Variants in GALNT17 observed in about 807,000 individuals in gnomAD.
GALNT17 encodes the protein UDP-GalNAc:polypeptide N-acetylgalactosaminyltransferase-like 3.
Under a neutral mutation model 63.7 loss-of-function variants are expected in GALNT17, and 29 were observed. The ratio of observed to expected loss-of-function variants is 0.46; its 90% CI spans 0.34 to 0.62. The LOEUF (loss-of-function observed/expected upper bound fraction) is 0.62. GALNT17 is among the 20% of genes least tolerant of loss of function. The probability of loss-of-function intolerance (pLI) is 0.01; values close to 1 mark genes in which losing one functional copy is unlikely to be tolerated. For missense variants in GALNT17, 603 were observed against 799.6 expected (o/e 0.75, Z 2.97); for synonymous variants, 305 against 318.3 (o/e 0.96, Z 0.45).
intron 1 of GALNT17, among the ~76,000 whole-genome samples, chr7:71,302,764 T>A (rs7791172): frequency 1.3e-5 from 2 of 152,206 alleles, no homozygotes; most frequent in African/African-American, 2.4e-5. Flanking sequence ...AACTTCCCCC[T>A]TTCAACATGG....
At chr7:71,418,919 G>A (rs546727936) in intron 4 of GALNT17, among the ~76,000 whole-genome samples, 159 of 152,120 alleles carry the variant, frequency 1.0e-3, no homozygotes, top group African/African-American at 3.4e-3. Flanking sequence ...CCAACATGGC[G>A]AAACCCTGTC....
chr7:71,153,355 G>T (rs545962889), intron 1 of GALNT17, among the ~76,000 whole-genome samples: 42 of 152,296 alleles, frequency 2.8e-4, no homozygotes, highest in African/African-American at 9.1e-4. Flanking sequence ...CATCGCCGTG[G>T]TGGCAGTTAC....
chr7:71,580,446 T>TA (rs1554311848), intron 6 of GALNT17, among the ~76,000 whole-genome samples: 1 of 151,388 alleles, frequency 6.6e-6, no homozygotes, highest in African/African-American at 2.4e-5. Flanking sequence ...GATAGATAGA[T>TA]GAGACATAGA....
At chr7:71,245,722 A>G (rs755099636) in intron 1 of GALNT17, among the ~76,000 whole-genome samples, 39 of 152,158 alleles carry the variant, frequency 2.6e-4, no homozygotes, top group Non-Finnish European at 5.0e-4. Flanking sequence ...TAGTATTTCA[A>G]ATTAGCTTCT....
At chr7:71,232,757 C>T (rs1443896920) in intron 1 of GALNT17, among the ~76,000 whole-genome samples, 1 of 152,074 alleles carries the variant, frequency 6.6e-6, no homozygotes, top group Non-Finnish European at 1.5e-5. Flanking sequence ...TAATTACACG[C>T]AAATTAAGGG....
intron 5 of GALNT17, among the ~76,000 whole-genome samples, chr7:71,430,156 T>C (rs1437502552): frequency 6.6e-6 from 1 of 152,142 alleles, no homozygotes; most frequent in African/African-American, 2.4e-5. Flanking sequence ...CCCACCAGGA[T>C]TTCTTGACAA....
chr7:71,166,409 A>G (rs1342491364), intron 1 of GALNT17, among the ~76,000 whole-genome samples: 1 of 152,218 alleles, frequency 6.6e-6, no homozygotes, highest in Admixed American at 6.5e-5. Flanking sequence ...AAGCTTTGAC[A>G]TATGCATGCA....
intron 9 of GALNT17, among the ~76,000 whole-genome samples, chr7:71,698,364 A>C (rs1400559052): frequency 6.6e-6 from 1 of 152,154 alleles, no homozygotes; most frequent in African/African-American, 2.4e-5. Flanking sequence ...TAAACACATA[A>C]ATCTATGCAA....
At chr7:71,709,022 G>A (rs1025567049) in intron 9 of GALNT17, among the ~76,000 whole-genome samples, 1 of 152,200 alleles carries the variant, frequency 6.6e-6, no homozygotes, top group African/African-American at 2.4e-5. Flanking sequence ...CAATGAACGT[G>A]TAAGTGCATG....
At chr7:71,494,088 G>A (rs1229143733) in intron 5 of GALNT17, among the ~76,000 whole-genome samples, 1 of 152,094 alleles carries the variant, frequency 6.6e-6, no homozygotes, top group Non-Finnish European at 1.5e-5. Context: ...CCACTTGGCT[G>A]GGGAGGCCTC....
chr7:71,534,815 G>A (rs539886005), intron 5 of GALNT17, among the ~76,000 whole-genome samples: 5 of 152,124 alleles, frequency 3.3e-5, no homozygotes, highest in South Asian at 4.2e-4. Context: ...TGCAAAAATC[G>A]GGCCAATTTT....
intron 1 of GALNT17, among the ~76,000 whole-genome samples, chr7:71,260,900 A>G (rs1343327347): frequency 6.6e-6 from 1 of 152,174 alleles, no homozygotes; most frequent in Non-Finnish European, 1.5e-5. Context: ...CTCTGTGCCC[A>G]GCCTCTTTTT....
intron 1 of GALNT17, among the ~76,000 whole-genome samples, chr7:71,174,265 C>T (rs1190157883): frequency 6.6e-6 from 1 of 152,136 alleles, no homozygotes; most frequent in Admixed American, 6.6e-5. Flanking sequence ...GTGTTGATAC[C>T]TTCATAGGTT....
chr7:71,374,718 G>A (rs930351672), intron 2 of GALNT17, among the ~76,000 whole-genome samples: 1 of 91,340 alleles, frequency 1.1e-5, no homozygotes, highest in South Asian at 2.6e-4. Context: ...GGCAGTTCAG[G>A]ATGGGAAGGC....
chr7:71,317,422 A>G (rs1791519975), intron 1 of GALNT17, among the ~76,000 whole-genome samples: 1 of 152,222 alleles, frequency 6.6e-6, no homozygotes, highest in Non-Finnish European at 1.5e-5. Flanking sequence ...GCAATGCCTG[A>G]TTAGAAACTC....
At chr7:71,545,957 A>G (rs1788976389) in intron 5 of GALNT17, among the ~76,000 whole-genome samples, 1 of 152,014 alleles carries the variant, frequency 6.6e-6, no homozygotes, top group South Asian at 2.1e-4. Flanking sequence ...CTGACTATGT[A>G]CCTAATGTAA....
intron 6 of GALNT17, among the ~76,000 whole-genome samples, chr7:71,610,000 G>C (rs1790101463): frequency 6.6e-6 from 1 of 152,012 alleles, no homozygotes; most frequent in Non-Finnish European, 1.5e-5. Context: ...CTCCCAAAAA[G>C]AGAATGTAAT....
chr7:71,463,053 T>C (rs758311280), intron 5 of GALNT17, among the ~76,000 whole-genome samples: 5 of 151,930 alleles, frequency 3.3e-5, no homozygotes, highest in Non-Finnish European at 5.9e-5. Context: ...GAATTGGTGG[T>C]TAGGGGTTTT....
At chr7:71,684,057 C>T (rs1217461931) in intron 9 of GALNT17, among the ~76,000 whole-genome samples, 1 of 151,718 alleles carries the variant, frequency 6.6e-6, no homozygotes, top group Non-Finnish European at 1.5e-5. Flanking sequence ...GCAGTAGCAG[C>T]CTTAGTGTTG....
Sources: allele counts gnomAD v4.1 joint callset (sites outside exome capture counted in the v4.1 genomes callset), GRCh38; gene constraint gnomAD v4.1.1; transcripts MANE v1.5; gene names NCBI Gene and HGNC (gene_info 2026-07-23, HGNC 2026-07-21).